The following AOPEP variants were observed in gnomAD, a reference collection of about 807,000 sequenced individuals.
AOPEP encodes the protein aminopeptidase O.
A neutral mutation model predicts 98.1 loss-of-function variants in AOPEP; 77 were observed. The observed-to-expected ratio is 0.78, with a 90% confidence interval of 0.65 to 0.95. AOPEP has a LOEUF of 0.95. Ranked by LOEUF, AOPEP falls within the 40% of genes least tolerant of loss-of-function variation. The pLI is 0.00. For synonymous variants in AOPEP, 346 were observed against 365.3 expected (o/e 0.95, Z 0.60); for missense variants, 1,024 against 1,024.7 (o/e 1.00, Z 0.01).
At chr9:94,729,387 T>A (rs1348834613) in intron 1 of AOPEP, among the ~76,000 whole-genome samples, 1 of 151,826 alleles carries the variant, frequency 6.6e-6, no homozygotes, top group Non-Finnish European at 1.5e-5. Flanking sequence ...CTGGGCAACA[T>A]GATGAAATCC....
At chr9:95,074,585 T>C (rs2068844725) in intron 14 of AOPEP, among the ~76,000 whole-genome samples, 1 of 152,190 alleles carries the variant, frequency 6.6e-6, no homozygotes, top group Admixed American at 6.5e-5. Context: ...GTTGAGCATG[T>C]CCCGTAAGCA....
At chr9:94,989,401 T>C (rs2060736659) in intron 11 of AOPEP, among the ~76,000 whole-genome samples, 1 of 151,366 alleles carries the variant, frequency 6.6e-6, no homozygotes, top group African/African-American at 2.4e-5. Context: ...CGCGCCCAGC[T>C]AATTTTTGTA....
the AOPEP span, among the ~76,000 whole-genome samples, chr9:95,095,563 T>A: frequency 6.6e-6 from 1 of 152,200 alleles, no homozygotes; most frequent in African/African-American, 2.4e-5. Flanking sequence ...CTTTGGTGAG[T>A]TTGCTTTTGA....
intron 5 of AOPEP, among the ~76,000 whole-genome samples, chr9:94,893,210 G>A (rs534214316): frequency 6.6e-6 from 1 of 152,256 alleles, no homozygotes; most frequent in Admixed American, 6.5e-5. Context: ...TGTTGCTCCA[G>A]CAGTCATTTA....
At chr9:95,043,251 T>TATATATATATATACATATATATACAG (rs1554814056) in intron 13 of AOPEP, among the ~76,000 whole-genome samples, 1 of 147,632 alleles carries the variant, frequency 6.8e-6, no homozygotes, top group Non-Finnish European at 1.5e-5. Flanking sequence ...TATATACAGA[T>TATATATATATATACATATATATACAG]ATATATATAC....
intron 5 of AOPEP, among the ~76,000 whole-genome samples, chr9:94,912,002 C>A (rs537243786): frequency 6.6e-6 from 1 of 152,288 alleles, no homozygotes; most frequent in Non-Finnish European, 1.5e-5. Flanking sequence ...CCCTTCCAGT[C>A]AACCACACAC....
At chr9:95,033,684 C>T (rs902038162) in intron 13 of AOPEP, among the ~76,000 whole-genome samples, 3 of 152,092 alleles carry the variant, frequency 2.0e-5, no homozygotes, top group Non-Finnish European at 4.4e-5. Flanking sequence ...ATCAAAAAGG[C>T]CACATGGGAA....
intron 3 of AOPEP, among the ~76,000 whole-genome samples, chr9:94,791,644 C>T (rs1845750003): frequency 6.6e-6 from 1 of 152,024 alleles, no homozygotes; most frequent in South Asian, 2.1e-4. Flanking sequence ...GTGATCACGC[C>T]ACTGCATTCC....
At chr9:95,104,673 T>G in the AOPEP span, among the ~76,000 whole-genome samples, 1 of 152,136 alleles carries the variant, frequency 6.6e-6, no homozygotes, top group East Asian at 1.9e-4. Context: ...GAGACCTGGG[T>G]GTCTCTAGGG....
chr9:94,942,619 G>A (rs572188603), intron 7 of AOPEP, among the ~76,000 whole-genome samples: 4 of 152,240 alleles, frequency 2.6e-5, no homozygotes, highest in African/African-American at 7.2e-5. Context: ...GATTGGAAAG[G>A]AAGAAGTAAA....
chr9:95,143,861 T>G, the AOPEP span, among the ~76,000 whole-genome samples: 2 of 152,268 alleles, frequency 1.3e-5, no homozygotes, highest in African/African-American at 4.8e-5. Flanking sequence ...ACATGAAAAG[T>G]TGACATTTAG....
Position 95,022,410 on chromosome 9 carries a change from TCACTGCAACCTC to T in AOPEP, c.2115+16798_2115+16809del, listed in dbSNP as rs915204182. 20 of 152,376 alleles carry T rather than the reference TCACTGCAACCTC, an allele frequency of 1.3e-4. No homozygotes were observed. The East Asian group carries it at 3.9e-3, about 29-fold the overall frequency. The allele number at this position is 152,376 out of a possible 1,614,324, so 9.4% of individuals were successfully genotyped here. A position where few individuals can be genotyped will look rare whatever the true frequency, so the allele number is the denominator to read the frequency against. The stretch of plus-strand genomic sequence containing the variant: ...TGGAGTGCAATGGTGCGATCTTGGT[TCACTGCAACCTC>T]CACCTCTTGGGTTCAAGCGATTCTC... On this transcript the variant is annotated intron_variant, in intron 13 of 16. Transcript: ENST00000375315.
At chr9:94,802,358 G>C (rs1369620163) in intron 5 of AOPEP, among the ~76,000 whole-genome samples, 1 of 152,164 alleles carries the variant, frequency 6.6e-6, no homozygotes, top group East Asian at 1.9e-4. Context: ...TTTGCTAGCA[G>C]TTCCAAGTTC....
chr9:94,775,011 T>A (rs777762049), intron 3 of AOPEP, among the ~76,000 whole-genome samples: 3 of 152,182 alleles, frequency 2.0e-5, no homozygotes, highest in Non-Finnish European at 4.4e-5. Flanking sequence ...TTTGTCTTAT[T>A]TTTCAATTTT....
At position 95,016,547 on chromosome 9, in the gene AOPEP, T is replaced by G. The variant is rs939319501; in HGVS notation, c.2115+10931T>G. On this transcript the variant is annotated intron_variant, in intron 13 of 16. Transcript: ENST00000375315. ...TGTGAGCCACCGCGCCAGGCCCTTT[T>G]GTGATTTTTGAATGTTAGGTTGTCA... 5.9e-5 allele frequency among the ~76,000 whole-genome samples: 9 copies of G among 151,890 alleles called. No individual in the cohort carries two copies. In the East Asian group the frequency reaches 1.7e-3, roughly 30 times the overall value.
chr9:94,807,172 T>C (rs978771476), intron 5 of AOPEP, among the ~76,000 whole-genome samples: 2 of 152,200 alleles, frequency 1.3e-5, no homozygotes, highest in African/African-American at 4.8e-5. Context: ...CCAGGCTCTC[T>C]CTCTTCTGTT....
intron 5 of AOPEP, among the ~76,000 whole-genome samples, chr9:94,848,489 G>A (rs1308835375): frequency 6.7e-6 from 1 of 149,822 alleles, no homozygotes; most frequent in Non-Finnish European, 1.5e-5. Context: ...CAGGCATGGT[G>A]GTGCATGCTG....
At chr9:94,842,909 G>T (rs1463001382) in intron 5 of AOPEP, among the ~76,000 whole-genome samples, 2 of 152,084 alleles carry the variant, frequency 1.3e-5, no homozygotes, top group African/African-American at 4.8e-5. Context: ...AAGGATTTCT[G>T]TGACTGTTTT....
the AOPEP span, among the ~76,000 whole-genome samples, chr9:95,094,099 C>A: frequency 6.6e-6 from 1 of 152,080 alleles, no homozygotes; most frequent in Non-Finnish European, 1.5e-5. Flanking sequence ...TCCTCCCTCT[C>A]TGTTTCCTTT....
Sources: allele counts gnomAD v4.1 joint callset (sites outside exome capture counted in the v4.1 genomes callset), GRCh38; gene constraint gnomAD v4.1.1; transcripts MANE v1.5; gene names NCBI Gene and HGNC (gene_info 2026-07-23, HGNC 2026-07-21).